Variants in XNDC1N observed in about 807,000 individuals in gnomAD.
XNDC1N encodes the protein protein XNDC1N.
the XNDC1N span, among the ~76,000 whole-genome samples, chr11:71,911,693 T>C: frequency 6.6e-6 from 1 of 152,172 alleles, no homozygotes; most frequent in Non-Finnish European, 1.5e-5. Context: ...AAGGGCCTAT[T>C]GAACTCTGGG....
At chr11:71,870,078 A>G in the XNDC1N span, among the ~76,000 whole-genome samples, 4 of 152,254 alleles carry the variant, frequency 2.6e-5, no homozygotes, top group African/African-American at 9.6e-5. Flanking sequence ...TGTGCAGGGG[A>G]ATTCCCATTT....
chr11:71,866,904 T>G, the XNDC1N span, among the ~76,000 whole-genome samples: 15 of 152,160 alleles, frequency 9.9e-5, no homozygotes, highest in Admixed American at 9.8e-4. Flanking sequence ...CAATAGAGTT[T>G]CCAAATAAAT....
At chr11:71,901,213 G>T in the XNDC1N span, among the ~76,000 whole-genome samples, 2 of 152,146 alleles carry the variant, frequency 1.3e-5, no homozygotes, top group African/African-American at 4.8e-5. Flanking sequence ...CATCAATTCG[G>T]AGTTTGGCTT....
At chr11:71,883,183 G>C in the XNDC1N span, among the ~76,000 whole-genome samples, 1 of 152,058 alleles carries the variant, frequency 6.6e-6, no homozygotes, top group East Asian at 1.9e-4. Flanking sequence ...GCAATTTATA[G>C]ATTATATACA....
chr11:71,921,807 A>G, the XNDC1N span, among the ~76,000 whole-genome samples: 2 of 152,136 alleles, frequency 1.3e-5, no homozygotes, highest in Admixed American at 6.6e-5. Flanking sequence ...TCTAAAGAGT[A>G]CAGTGGAAAA....
chr11:71,895,236 TC>T, the XNDC1N span, among the ~76,000 whole-genome samples: 5 of 152,178 alleles, frequency 3.3e-5, no homozygotes, highest in African/African-American at 7.2e-5. Context: ...AATATTATCT[TC>T]AAATGCATTG....
chr11:71,901,410 C>T, the XNDC1N span, among the ~76,000 whole-genome samples: 39 of 152,050 alleles, frequency 2.6e-4, no homozygotes, highest in African/African-American at 8.9e-4. Context: ...CAGCCTGGCC[C>T]ACATGGTGAA....
chr11:71,908,575 G>C, the XNDC1N span, among the ~76,000 whole-genome samples: 1 of 152,104 alleles, frequency 6.6e-6, no homozygotes, highest in South Asian at 2.1e-4. Flanking sequence ...GTTAGATGAG[G>C]ATGGTCACGT....
the XNDC1N span, chr11:71,928,225 GCT>G: frequency 1.9e-6 from 1 of 538,510 alleles, no homozygotes. Context: ...AGGCTCTTCA[GCT>G]CTCAGTTTCG....
the XNDC1N span, chr11:71,917,837 C>G: frequency 2.9e-6 from 2 of 686,384 alleles, no homozygotes; most frequent in Non-Finnish European, 5.3e-6. Flanking sequence ...CAAAGGAATA[C>G]GGTGGAAGGA....
chr11:71,887,621 G>A, the XNDC1N span, among the ~76,000 whole-genome samples: 1 of 152,208 alleles, frequency 6.6e-6, no homozygotes, highest in Non-Finnish European at 1.5e-5. Context: ...GGTCCCCAGA[G>A]AAGCCCTTCA....
At chr11:71,913,552 G>A in the XNDC1N span, among the ~76,000 whole-genome samples, 2 of 151,736 alleles carry the variant, frequency 1.3e-5, no homozygotes, top group African/African-American at 2.4e-5. Context: ...CCAGCTACTC[G>A]GGAGGCTGAG....
At chr11:71,920,791 C>T in the XNDC1N span, among the ~76,000 whole-genome samples, 3 of 151,876 alleles carry the variant, frequency 2.0e-5, no homozygotes, top group Non-Finnish European at 2.9e-5. Context: ...TTTGGTTGAG[C>T]GATCTTGGGT....
chr11:71,913,164 A>C, the XNDC1N span, among the ~76,000 whole-genome samples: 1 of 152,102 alleles, frequency 6.6e-6, no homozygotes, highest in Non-Finnish European at 1.5e-5. Context: ...GAACAATATC[A>C]CAGGGTTTTG....
the XNDC1N span, among the ~76,000 whole-genome samples, chr11:71,886,986 C>T: frequency 2.6e-5 from 4 of 152,112 alleles, no homozygotes; most frequent in Admixed American, 6.5e-5. Flanking sequence ...AGAACAAATG[C>T]CCTCAGCTCA....
the XNDC1N span, among the ~76,000 whole-genome samples, chr11:71,920,432 T>C: frequency 6.6e-6 from 1 of 152,092 alleles, no homozygotes; most frequent in African/African-American, 2.4e-5. Context: ...TTCAGCTTCC[T>C]GAGTAGCTAG....
At chr11:71,890,374 C>T in the XNDC1N span, among the ~76,000 whole-genome samples, 6 of 152,014 alleles carry the variant, frequency 3.9e-5, no homozygotes, top group South Asian at 2.1e-4. Context: ...AACAATATCA[C>T]GGGGGATGTA....
the XNDC1N span, among the ~76,000 whole-genome samples, chr11:71,884,994 C>G: frequency 1.3e-5 from 2 of 152,034 alleles, no homozygotes; most frequent in African/African-American, 4.8e-5. Flanking sequence ...CTCTTGCCCC[C>G]CTGGTTTTTA....
the XNDC1N span, chr11:71,903,304 G>A: frequency 1.1e-5 from 15 of 1,399,480 alleles, no homozygotes; most frequent in South Asian, 5.8e-5. Context: ...GCCTGGTCAC[G>A]GTGCTGGAGA....
Sources: allele counts gnomAD v4.1 joint callset (sites outside exome capture counted in the v4.1 genomes callset), GRCh38; gene constraint gnomAD v4.1.1; transcripts MANE v1.5; gene names NCBI Gene and HGNC (gene_info 2026-07-23, HGNC 2026-07-21).